The following SUGCT variants were observed in gnomAD, a reference collection of about 807,000 sequenced individuals.
The protein encoded by SUGCT is succinyl-CoA:glutarate CoA-transferase.
SUGCT carries 41 observed loss-of-function variants against 55.0 expected under a neutral mutation model. The ratio of observed to expected loss-of-function variants is 0.74; its 90% confidence interval spans 0.58 to 0.97. The LOEUF is 0.97. SUGCT is among the 50% of genes least tolerant of loss of function. The pLI is 0.00. For synonymous variants in SUGCT, 187 were observed against 200.4 expected, an observed-to-expected ratio of 0.93 and a Z score of 0.56; for missense variants, 568 against 547.8, an observed-to-expected ratio of 1.04 and a Z score of -0.37.
downstream of SUGCT, among the ~76,000 whole-genome samples, chr7:40,865,520 GA>G (rs953728663): frequency 4.6e-4 from 70 of 152,294 alleles, no homozygotes; most frequent in African/African-American, 1.6e-3. Context: ...TTCTAAGGGG[GA>G]AAACCTAAAG....
chr7:40,640,302 T>C (rs1003791422), intron 12 of SUGCT, among the ~76,000 whole-genome samples: 2 of 152,230 alleles, frequency 1.3e-5, no homozygotes, highest in East Asian at 1.9e-4. Flanking sequence ...CCTCAAGATA[T>C]AAGCATTTAG....
At chr7:40,217,207 ATTC>A (rs934880324) in intron 6 of SUGCT, among the ~76,000 whole-genome samples, 17 of 151,776 alleles carry the variant, frequency 1.1e-4, no homozygotes, top group Non-Finnish European at 1.6e-4. Flanking sequence ...TTCCAGAATT[ATTC>A]TTCTTCTTCT....
the SUGCT span, among the ~76,000 whole-genome samples, chr7:40,973,655 G>T: frequency 1.3e-5 from 2 of 152,274 alleles, no homozygotes; most frequent in South Asian, 4.1e-4. Context: ...AGAGCCAGTG[G>T]GTTTGGGCAT....
intron 12 of SUGCT, among the ~76,000 whole-genome samples, chr7:40,527,741 T>C (rs946367393): frequency 3.9e-5 from 6 of 152,190 alleles, no homozygotes; most frequent in African/African-American, 1.4e-4. Context: ...AGAAACCCTG[T>C]AATTTTTTCA....
In SUGCT at chr7:40,443,037, A is replaced by G. The variant is rs536377276; in HGVS notation, c.817-6250A>G. Among the ~76,000 whole-genome samples the G allele has an allele frequency of 2.0e-5, 3 of 152,272 alleles. No homozygotes were observed. In the East Asian group the frequency reaches 5.8e-4, roughly 29 times the overall value. On this transcript the variant is annotated intron_variant, in intron 9 of 13. Transcript: ENST00000335693. ...GGTTTCCAGCTTCATCCATGTCCCT[A>G]CAAAGGACATGAACTCATCCTTTTT...
At chr7:40,468,412 A>G (rs1790235614) in intron 11 of SUGCT, among the ~76,000 whole-genome samples, 1 of 151,652 alleles carries the variant, frequency 6.6e-6, no homozygotes, top group South Asian at 2.1e-4. Flanking sequence ...TAAATCCTCA[A>G]TTTTATTCCT....
chr7:40,896,597 G>T, the SUGCT span, among the ~76,000 whole-genome samples: 1 of 152,024 alleles, frequency 6.6e-6, no homozygotes, highest in African/African-American at 2.4e-5. Flanking sequence ...CCTTTTGCTC[G>T]GCACTTCTCC....
intron 13 of SUGCT, among the ~76,000 whole-genome samples, chr7:40,857,283 C>T (rs1411234039): frequency 6.6e-6 from 1 of 152,082 alleles, no homozygotes; most frequent in Admixed American, 6.5e-5. Flanking sequence ...TTCATGCAAA[C>T]CTTATTCAGA....
At chr7:40,549,715 A>G (rs932604335) in intron 12 of SUGCT, among the ~76,000 whole-genome samples, 29 of 152,212 alleles carry the variant, frequency 1.9e-4, no homozygotes, top group African/African-American at 6.8e-4. Context: ...TGTGGAAAGC[A>G]GGTTATAAGT....
chr7:40,653,528 A>G (rs894291978), intron 12 of SUGCT, among the ~76,000 whole-genome samples: 1 of 152,184 alleles, frequency 6.6e-6, no homozygotes, highest in Admixed American at 6.5e-5. Context: ...TTAGTAAGCT[A>G]GCTGACTCTT....
At chr7:40,159,402 C>T (rs753018170) in intron 1 of SUGCT, among the ~76,000 whole-genome samples, 5 of 151,902 alleles carry the variant, frequency 3.3e-5, no homozygotes, top group South Asian at 2.1e-4. Flanking sequence ...GACTGAGTCT[C>T]GCTGTGTTGC....
intron 8 of SUGCT, among the ~76,000 whole-genome samples, chr7:40,288,824 A>G (rs1793525144): frequency 6.6e-6 from 1 of 152,128 alleles, no homozygotes; most frequent in African/African-American, 2.4e-5. Context: ...TTCAAGTTTT[A>G]TATGTAGTTG....
chr7:40,693,251 G>A (rs1784775664), intron 12 of SUGCT, among the ~76,000 whole-genome samples: 2 of 152,176 alleles, frequency 1.3e-5, no homozygotes, highest in Admixed American at 6.5e-5. Flanking sequence ...TATGAGCTGT[G>A]TGAACTTGGA....
chr7:40,854,419 C>CTCTTT lies in SUGCT; in HGVS notation c.1154-5897_1154-5896insTCTTT, dbSNP rs200586474. Among the ~76,000 whole-genome samples the CTCTTT allele has an allele frequency of 9.3e-4, 83 of 88,838 alleles. 1 individual carries two copies. The highest frequency in any genetic ancestry group is 3.6e-3 in the African/African-American group (78 of 21,416). 58.3% of individuals were successfully genotyped at this position (88,838 alleles called of 152,430 possible). A position where few individuals can be genotyped will look rare whatever the true frequency, so the allele number is the denominator to read the frequency against. On this transcript the variant is annotated intron_variant, in intron 13 of 13. Transcript: ENST00000335693. ...TTTTTCTTTCTTTCTTTCTTTCTTT[C>CTCTTT]CTTTCTTTCTTTCTTTCTTTCTTTC...
intron 13 of SUGCT, among the ~76,000 whole-genome samples, chr7:40,781,301 A>T (rs1789732627): frequency 6.6e-6 from 1 of 152,178 alleles, no homozygotes; most frequent in Admixed American, 6.5e-5. Context: ...CATCACCAGG[A>T]TTGATAAGCT....
At chr7:40,723,807 A>G (rs559506480) in intron 12 of SUGCT, among the ~76,000 whole-genome samples, 36 of 152,322 alleles carry the variant, frequency 2.4e-4, no homozygotes, top group African/African-American at 5.8e-4. Flanking sequence ...CTTAACCACT[A>G]TACATCATAA....
rs544171430 is a variant in SUGCT at position 40,443,218 on chromosome 7, A to T, written c.817-6069A>T. On this transcript the variant is annotated intron_variant, in intron 9 of 13. Transcript: ENST00000335693. Reference sequence around the variant, plus strand: ...GTGTCTTTATAGCAGTATGATTTATAATCCTTTAGGTATATACCCAGTAAT... The same window carrying T: ...GTGTCTTTATAGCAGTATGATTTATTATCCTTTAGGTATATACCCAGTAAT... 2.6e-5 allele frequency among the ~76,000 whole-genome samples: 4 copies of T among 152,288 alleles called. No individual in the cohort carries two copies. In the East Asian group the frequency reaches 7.7e-4, roughly 29 times the overall value.
the SUGCT span, among the ~76,000 whole-genome samples, chr7:40,944,601 T>C: frequency 6.6e-5 from 10 of 152,122 alleles, no homozygotes; most frequent in African/African-American, 2.4e-4. Flanking sequence ...AGATATGCGG[T>C]GTTATTTCTG....
the SUGCT span, among the ~76,000 whole-genome samples, chr7:41,012,807 A>G: frequency 6.6e-6 from 1 of 152,172 alleles, no homozygotes; most frequent in East Asian, 1.9e-4. Context: ...CAAAAATCAG[A>G]AAATTATGGT....
Sources: allele counts gnomAD v4.1 joint callset (sites outside exome capture counted in the v4.1 genomes callset), GRCh38; gene constraint gnomAD v4.1.1; transcripts MANE v1.5; gene names NCBI Gene and HGNC (gene_info 2026-07-23, HGNC 2026-07-21).